ATOH8: variants seen among roughly 807,000 people sequenced by gnomAD.
ATOH8 encodes transcription factor ATOH8.
In ATOH8, 9 loss-of-function variants were observed where a neutral mutation model predicts 21.2. That is an observed-to-expected ratio of 0.42 (90% CI 0.26 to 0.74). ATOH8 has a LOEUF of 0.74. Among genes scored for constraint, ATOH8 ranks in the 30% least tolerant of loss-of-function variants. The pLI is 0.24. For synonymous variants in ATOH8, 253 were observed against 224.0 expected (o/e 1.13, Z -1.16); for missense variants, 524 against 470.9 (o/e 1.11, Z -1.04).
At chr2:85,781,081 T>C in intron 2 of ATOH8, 2 of 988,074 alleles carry the variant, frequency 2.0e-6, no homozygotes, top group Non-Finnish European at 2.4e-6. Flanking sequence ...CGCAAGGATG[T>C]CCAGGCTTGA....
intron 2 of ATOH8, chr2:85,772,607 A>T (rs769196547): frequency 4.7e-6 from 2 of 423,874 alleles, no homozygotes; most frequent in South Asian, 1.7e-5. Context: ...GTTCCCAAAA[A>T]ACCCTTTCAG....
intron 2 of ATOH8, chr2:85,780,826 C>T (rs1017204487): frequency 8.8e-5 from 85 of 967,504 alleles, no homozygotes; most frequent in Non-Finnish European, 1.0e-4. Flanking sequence ...CAGCACTATC[C>T]TCGATTCATG....
At chr2:85,767,002 G>T (rs1680034625) in intron 2 of ATOH8, among the ~76,000 whole-genome samples, 1 of 152,122 alleles carries the variant, frequency 6.6e-6, no homozygotes, top group African/African-American at 2.4e-5. Flanking sequence ...CCAGGGGAGG[G>T]TACTTCCCTG....
In ATOH8 at chr2:85,788,727, C is replaced by T. The variant is rs375315825; in HGVS notation, c.*1837C>T. On this transcript the variant is annotated 3_prime_UTR_variant, in exon 3 of 3. Transcript: ENST00000306279. ...CTTGGTTTCACCAGTGTCACTTTCT[C>T]GTCTCTGCTGCTCAGACTCCTGGGC... Among the ~76,000 whole-genome samples, 29 of 152,308 alleles carry T rather than the reference C, an allele frequency of 1.9e-4. No individual in the cohort carries two copies. In the East Asian group the frequency reaches 2.1e-3, roughly 11 times the overall value.
chr2:85,782,436 A>C (rs1276772000), intron 2 of ATOH8, among the ~76,000 whole-genome samples: 1 of 149,100 alleles, frequency 6.7e-6, no homozygotes, highest in Non-Finnish European at 1.5e-5. Context: ...AGAAGTGATC[A>C]GGATAGGAAA....
At chr2:85,763,562 T>C (rs1311632173) in intron 1 of ATOH8, among the ~76,000 whole-genome samples, 1 of 152,170 alleles carries the variant, frequency 6.6e-6, no homozygotes, top group African/African-American at 2.4e-5. Flanking sequence ...AATCAAGTCA[T>C]TCATTGTTGC....
Position 85,754,586 on chromosome 2 carries a change from C to A in ATOH8, c.397C>A (p.Gln133Lys). 1 of 1,463,898 alleles carries A rather than the reference C, an allele frequency of 6.8e-7. No homozygotes were observed. Among genetic ancestry groups the A allele is most frequent in the African/African-American group, 1.5e-5 (1 of 67,422 alleles). The allele number at this position is 1,463,898 out of a possible 1,614,324, so 90.7% of individuals were successfully genotyped here. A position where few individuals can be genotyped will look rare whatever the true frequency, so the allele number is the denominator to read the frequency against. Residue 133 changes from glutamine (Q) to lysine (K), a missense_variant, in exon 1 of 3, where the codon CAG becomes AAG. By Grantham distance (53) the Gln-to-Lys change is moderately conservative (BLOSUM62 1). Transcript: ENST00000306279. ...GCCGCCGCCGCCGCCTCCTGCGCCC[C>A]AGAGCCAGGCACCTGGGGGCCCAGA... is the stretch of plus-strand genomic sequence containing the variant. ...TPPPPPPPAP[Q>K]SQAPGGPEAQ...
intron 2 of ATOH8, among the ~76,000 whole-genome samples, chr2:85,777,540 T>C (rs950137822): frequency 6.6e-6 from 1 of 152,206 alleles, no homozygotes. Context: ...TGTGCACTGA[T>C]GTTCGTGGAC....
intron 2 of ATOH8, among the ~76,000 whole-genome samples, chr2:85,776,517 G>T (rs901051741): frequency 2.0e-4 from 30 of 152,242 alleles, no homozygotes; most frequent in Non-Finnish European, 3.1e-4. Flanking sequence ...AGGGACTTCA[G>T]TGTCCCCTCC....
rs1355607300 is a variant in ATOH8, at chr2:85,754,684, G to A, written c.495G>A (p.Pro165=). Residue 165 remains proline, a synonymous_variant, in exon 1 of 3, where the codon CCG becomes CCA. Transcript: ENST00000306279. ...LLCAPPARPA[P]SAPPAPPAPP... is the part of the protein sequence containing the mutation. ...GCGCACCGCCCGCGCGCCCCGCGCC[G>A]TCAGCACCCCCAGCACCGCCAGCGC... 1.3e-6 allele frequency: 2 copies of A among 1,585,022 alleles called. No homozygotes were observed. Among genetic ancestry groups the A allele is most frequent in the Non-Finnish European group, 1.7e-6 (2 of 1,167,618 alleles).
intron 2 of ATOH8, among the ~76,000 whole-genome samples, chr2:85,784,161 T>C (rs1254748329): frequency 6.6e-6 from 1 of 152,202 alleles, no homozygotes; most frequent in Non-Finnish European, 1.5e-5. Context: ...CTCTGTGAAA[T>C]GCCCTTTTGT....
intron 2 of ATOH8, among the ~76,000 whole-genome samples, chr2:85,772,406 C>T (rs538311852): frequency 7.9e-5 from 12 of 152,312 alleles, no homozygotes; most frequent in African/African-American, 2.4e-4. Flanking sequence ...GCCCGGCCGC[C>T]GCGGCCCCCC....
chr2:85,754,893 C>A lies in ATOH8; in HGVS notation c.704C>A (p.Ala235Glu). The change falls in exon 1 of 3, where the codon GCG (alanine) becomes GAG (glutamate). Residue 235 changes from alanine (A) to glutamate (E), a missense_variant. By Grantham distance (107) the Ala-to-Glu change is moderately radical. Coordinates refer to ENST00000306279, the MANE Select transcript of ATOH8 (RefSeq NM_032827.7). The stretch of plus-strand genomic sequence containing the variant: ...CTGCAGCAGACCCGGAGGCTCCTGG[C>A]GAACGCCAGGGAGCGGACGCGGGTG... ...KALQQTRRLL[A>E]NARERTRVHT... 2 of 1,610,838 alleles carry A rather than the reference C, an allele frequency of 1.2e-6. No individual in the cohort carries two copies. Among genetic ancestry groups the A allele is most frequent in the Non-Finnish European group, 1.7e-6 (2 of 1,179,784 alleles).
At position 85,754,942 on chromosome 2, in the gene ATOH8, G is replaced by A. The variant is rs1373676769; in HGVS notation, c.753G>A (p.Glu251=). The A allele has an allele frequency of 1.9e-6, 3 of 1,597,386 alleles. No homozygotes were observed. The South Asian group carries it at 3.3e-5, about 18-fold the overall frequency. Residue 251 remains glutamate, a synonymous_variant, in exon 1 of 3, where the codon GAG becomes GAA. Transcript: ENST00000306279. ...TRVHTISAAF[E]ALRKQVPCYS... ...TGCACACCATCAGCGCAGCCTTCGA[G>A]GCGCTCAGGAAGCAGGTACCCGCTC...
chr2:85,767,354 G>A (rs1032547010), intron 2 of ATOH8, among the ~76,000 whole-genome samples: 8 of 151,938 alleles, frequency 5.3e-5, no homozygotes, highest in Non-Finnish European at 1.0e-4. Flanking sequence ...TGCTCACAGC[G>A]CTCAGTCCTG....
At chr2:85,783,857 G>A (rs1188435904) in intron 2 of ATOH8, among the ~76,000 whole-genome samples, 2 of 145,702 alleles carry the variant, frequency 1.4e-5, no homozygotes, top group Admixed American at 6.8e-5. Flanking sequence ...TGCACCCCCC[G>A]CCCCCCACAC....
chr2:85,785,242 C>T lies in ATOH8; in HGVS notation c.961-1643C>T, dbSNP rs757368626. 5.9e-5 allele frequency among the ~76,000 whole-genome samples: 9 copies of T among 152,374 alleles called. No individual in the cohort carries two copies. The highest frequency in any genetic ancestry group is 1.7e-4 in the African/African-American group (7 of 41,594). On this transcript the variant is annotated intron_variant, in intron 2 of 2. Transcript: ENST00000306279. This position sits in a 1 kb window ranked among gnomAD's most constrained non-coding sequence, Gnocchi z 4.1. ...CCAGGCAGCCAGCGCCGGGATGACG[C>T]GAGCTGTAAATCACCCCGTGGACCA...
At position 85,764,158 on chromosome 2, in the gene ATOH8, C is replaced by T. The variant is rs780040578; in HGVS notation, c.936C>T (p.Ala312=). The T allele has an allele frequency of 1.1e-5, 18 of 1,614,108 alleles. No individual in the cohort carries two copies. Among genetic ancestry groups the T allele is most frequent in the South Asian group, 9.9e-5 (9 of 91,072 alleles). Residue 312 remains alanine (A), a synonymous_variant, in exon 2 of 3, where the codon GCC becomes GCT. Transcript: ENST00000306279. Reference sequence around the variant, plus strand: ...AGCGCTGCACCCGCACCCTGCAGGCCGAGGGACGTGCCAAGAAGCGCAAGG... The same window carrying T: ...AGCGCTGCACCCGCACCCTGCAGGCTGAGGGACGTGCCAAGAAGCGCAAGG... ...CVQRCTRTLQ[A]EGRAKKRKE
At chr2:85,769,580 G>A (rs1008074399) in intron 2 of ATOH8, among the ~76,000 whole-genome samples, 1 of 152,222 alleles carries the variant, frequency 6.6e-6, no homozygotes, top group Non-Finnish European at 1.5e-5. Context: ...AGTATGGCCT[G>A]GGTCCGCTTT....
Sources: allele counts gnomAD v4.1 joint callset (sites outside exome capture counted in the v4.1 genomes callset), GRCh38; gene constraint gnomAD v4.1.1; non-coding constraint Gnocchi (gnomAD v3.1); transcripts MANE v1.5; gene names NCBI Gene and HGNC (gene_info 2026-07-23, HGNC 2026-07-21).